The following MDGA2 variants were observed in gnomAD, a reference collection of about 807,000 sequenced individuals.
MDGA2 encodes MAM domain-containing glycosylphosphatidylinositol anchor protein 2.
Under a neutral mutation model 117.8 loss-of-function variants are expected in MDGA2, and 40 were observed. The ratio of observed to expected loss-of-function variants is 0.34; its 90% CI spans 0.26 to 0.44. The LOEUF is 0.44. Ranked by LOEUF, MDGA2 falls within the 20% of genes least tolerant of loss-of-function variation. MDGA2 has a pLI of 1.00. For missense variants in MDGA2, 1,123 were observed against 1,250.6 expected (o/e 0.90, Z 1.54); for synonymous variants, 452 against 439.0 (o/e 1.03, Z -0.37).
intron 5 of MDGA2, among the ~76,000 whole-genome samples, chr14:47,098,475 A>C (rs542153967): frequency 1.1e-4 from 16 of 151,934 alleles, no homozygotes; most frequent in African/African-American, 3.1e-4. Flanking sequence ...TTATGATTAC[A>C]AACCTGTTGG....
intron 8 of MDGA2, among the ~76,000 whole-genome samples, chr14:46,992,607 T>A (rs547357658): frequency 6.6e-6 from 1 of 152,294 alleles, no homozygotes; most frequent in African/African-American, 2.4e-5. Flanking sequence ...TATAATGTTT[T>A]TCACTCAAGA....
chr14:47,068,189 A>G (rs563664470), intron 6 of MDGA2, among the ~76,000 whole-genome samples: 1 of 152,158 alleles, frequency 6.6e-6, no homozygotes, highest in African/African-American at 2.4e-5. Context: ...AGTATGGTTG[A>G]ATTATAAATG....
chr14:47,064,145 T>C (rs1889994914), intron 6 of MDGA2, among the ~76,000 whole-genome samples: 1 of 152,048 alleles, frequency 6.6e-6, no homozygotes, highest in Non-Finnish European at 1.5e-5. Flanking sequence ...ATATGTAATA[T>C]ACAATTAGAC....
At chr14:47,084,177 A>G (rs1197385144) in intron 6 of MDGA2, among the ~76,000 whole-genome samples, 5 of 152,168 alleles carry the variant, frequency 3.3e-5, no homozygotes, top group Admixed American at 2.6e-4. Context: ...AAACCTGAAC[A>G]TATTTTTTAA....
At chr14:46,919,901 C>T (rs1471887418) in intron 10 of MDGA2, 111 bp downstream of exon 10, 6 of 915,746 alleles carry the variant, frequency 6.6e-6, no homozygotes, top group Non-Finnish European at 9.4e-6. Context: ...TACAGAAACA[C>T]ATATACATAA....
chr14:47,500,933 C>T (rs771833757), intron 1 of MDGA2, among the ~76,000 whole-genome samples: 5 of 151,870 alleles, frequency 3.3e-5, no homozygotes, highest in Non-Finnish European at 7.4e-5. Context: ...TTTTGAAACC[C>T]CAGTGAAATA....
intron 1 of MDGA2, among the ~76,000 whole-genome samples, chr14:47,497,138 G>T (rs1488232920): frequency 6.6e-6 from 1 of 152,108 alleles, no homozygotes; most frequent in Non-Finnish European, 1.5e-5. Context: ...GGAGACCCCT[G>T]AAAAAGGACT....
chr14:47,416,972 C>G (rs965002086), intron 1 of MDGA2, among the ~76,000 whole-genome samples: 2 of 152,134 alleles, frequency 1.3e-5, no homozygotes, highest in Admixed American at 1.3e-4. Context: ...GAGTAAGCCA[C>G]CATCATCTCA....
At chr14:47,240,408 G>C (rs1284468078) in intron 2 of MDGA2, among the ~76,000 whole-genome samples, 1 of 151,790 alleles carries the variant, frequency 6.6e-6, no homozygotes, top group Non-Finnish European at 1.5e-5. Flanking sequence ...CCGGGTTATA[G>C]GAGTGTGTTA....
At chr14:47,617,665 A>T (rs1215314637) in intron 1 of MDGA2, among the ~76,000 whole-genome samples, 1 of 152,148 alleles carries the variant, frequency 6.6e-6, no homozygotes, top group Admixed American at 6.5e-5. Flanking sequence ...TTCTTTATGG[A>T]TGTCTTACAA....
At chr14:47,074,222 T>A (rs2138855722) in intron 6 of MDGA2, among the ~76,000 whole-genome samples, 1 of 152,292 alleles carries the variant, frequency 6.6e-6, no homozygotes, top group Middle Eastern at 3.4e-3. Context: ...ACTCTCTTTT[T>A]ATTTCTCACT....
chr14:47,318,028 T>C (rs7148783), intron 1 of MDGA2, among the ~76,000 whole-genome samples: 111,070 of 151,920 alleles, frequency 0.73, 40,842 homozygotes, highest in Admixed American at 0.81. Flanking sequence ...CATAAGAACT[T>C]GCCCTTTTAA....
At chr14:47,522,480 T>G (rs1318099949) in intron 1 of MDGA2, among the ~76,000 whole-genome samples, 1 of 152,020 alleles carries the variant, frequency 6.6e-6, no homozygotes, top group Non-Finnish European at 1.5e-5. Flanking sequence ...ATACATGCAG[T>G]TCTGAGTAGT....
Position 47,559,728 on chromosome 14 carries a change from A to G in MDGA2, c.280+114789T>C, listed in dbSNP as rs952365273. Among the ~76,000 whole-genome samples the G allele has an allele frequency of 3.3e-5, 5 of 151,972 alleles. No homozygotes were observed. The East Asian group carries it at 7.8e-4, about 24-fold the overall frequency. ...GCTAGGATTACAGGTGCCCACCACC[A>G]CGCCCAGCTAATTTTTGTATTTTTA... On this transcript the variant is annotated intron_variant, in intron 1 of 16. Transcript: ENST00000399232.
chr14:46,899,573 A>C (rs986919988), intron 10 of MDGA2, among the ~76,000 whole-genome samples: 1 of 152,058 alleles, frequency 6.6e-6, no homozygotes, highest in Non-Finnish European at 1.5e-5. Flanking sequence ...TGGGGCTCAC[A>C]GAAAAGCTCA....
At chr14:47,155,322 A>G (rs966840709) in intron 3 of MDGA2, among the ~76,000 whole-genome samples, 1 of 152,048 alleles carries the variant, frequency 6.6e-6, no homozygotes, top group African/African-American at 2.4e-5. Context: ...AACAGGACTG[A>G]AACATGCCTC....
intron 1 of MDGA2, among the ~76,000 whole-genome samples, chr14:47,536,726 A>G (rs548718392): frequency 6.6e-6 from 1 of 152,334 alleles, no homozygotes; most frequent in African/African-American, 2.4e-5. Context: ...ACTACTACTA[A>G]CTTCTATGAA....
At chr14:47,307,637 G>C (rs1350412976) in intron 1 of MDGA2, among the ~76,000 whole-genome samples, 1 of 151,742 alleles carries the variant, frequency 6.6e-6, no homozygotes, top group East Asian at 1.9e-4. Flanking sequence ...GACAAGATCC[G>C]AGATCTTGTC....
At chr14:47,055,162 G>T (rs867960603) in intron 7 of MDGA2, among the ~76,000 whole-genome samples, 8 of 151,852 alleles carry the variant, frequency 5.3e-5, no homozygotes, top group Non-Finnish European at 8.8e-5. Flanking sequence ...AACAGGAAAA[G>T]CTGTCATTGT....
Sources: gnomAD v4.1 joint callset for allele counts (sites outside exome capture counted in the v4.1 genomes callset) on GRCh38, gnomAD v4.1.1 for gene constraint, MANE v1.5 for transcripts, NCBI Gene and HGNC (gene_info 2026-07-23, HGNC 2026-07-21) for gene names.